INPP5A: variants seen among roughly 807,000 people sequenced by gnomAD.
The protein encoded by INPP5A is 43 kDa inositol polyphosphate 5-phophatase.
INPP5A carries 14 observed loss-of-function variants against 65.2 expected under a neutral mutation model. That is an observed-to-expected ratio of 0.21 (90% CI 0.14 to 0.34). INPP5A has a LOEUF of 0.34. INPP5A is among the 10% of genes least tolerant of loss of function. The probability of loss-of-function intolerance (pLI) is 1.00; values close to 1 mark genes in which losing one functional copy is unlikely to be tolerated. For synonymous variants in INPP5A, 207 were observed against 208.3 expected, an observed-to-expected ratio of 0.99 and a Z score of 0.05; for missense variants, 431 against 545.6, an observed-to-expected ratio of 0.79 and a Z score of 2.09.
chr10:132,688,911 TGTGCATGA>T (rs999871241), intron 4 of INPP5A, among the ~76,000 whole-genome samples: 11 of 151,010 alleles, frequency 7.3e-5, no homozygotes, highest in African/African-American at 2.4e-4. Context: ...AGCACGTGAG[TGTGCATGA>T]GTGCATGTGT....
rs761792498 is a variant in INPP5A, at chr10:132,780,846, C to T, written c.1090-3C>T. 26 of 1,613,034 alleles carry T rather than the reference C, an allele frequency of 1.6e-5. No individual in the cohort carries two copies. Among genetic ancestry groups the T allele is most frequent in the Admixed American group, 3.3e-5 (2 of 60,010 alleles). ...CACTCACCTGTCTGTTTCCCCTTTC[C>T]AGTCGGAGAGCGAGGAGAAGGTTGT... On this transcript the variant is annotated splice_region_variant and splice_polypyrimidine_tract_variant and intron_variant, in intron 13 of 15. Coordinates refer to ENST00000368594, the MANE Select transcript of INPP5A (RefSeq NM_005539.5).
At position 132,542,665 on chromosome 10, in the gene INPP5A, G is replaced by A. The variant is rs181199639; in HGVS notation, c.75+4494G>A. On this transcript the variant is annotated intron_variant, in intron 1 of 15. Transcript: ENST00000368594. ...CACAGCAGGGCCCAGGGCTGGGTGC[G>A]GGTTGTACCCAGCTGGCAGTGACTA... Among the ~76,000 whole-genome samples, 69 of 152,304 alleles carry A rather than the reference G, an allele frequency of 4.5e-4. No individual in the cohort carries two copies. In the East Asian group the frequency reaches 8.5e-3, roughly 19 times the overall value.
intron 11 of INPP5A, among the ~76,000 whole-genome samples, chr10:132,750,172 C>T (rs1028850233): frequency 1.3e-5 from 2 of 152,188 alleles, no homozygotes; most frequent in African/African-American, 4.8e-5. Flanking sequence ...CAGAGTGAAC[C>T]GGCCGGGCCT....
chr10:132,743,997 G>T (rs1190866390), intron 9 of INPP5A, among the ~76,000 whole-genome samples: 1 of 152,252 alleles, frequency 6.6e-6, no homozygotes, highest in Non-Finnish European at 1.5e-5. Context: ...TCCAGCCACA[G>T]CGGATTTGCA....
intron 5 of INPP5A, among the ~76,000 whole-genome samples, chr10:132,692,399 A>G (rs1041173566): frequency 2.0e-5 from 3 of 152,204 alleles, no homozygotes; most frequent in Non-Finnish European, 4.4e-5. Flanking sequence ...GAACTTTCCA[A>G]ACTTGTAACT....
At chr10:132,716,925 A>T (rs1274629602) in intron 8 of INPP5A, among the ~76,000 whole-genome samples, 2 of 152,256 alleles carry the variant, frequency 1.3e-5, no homozygotes, top group East Asian at 3.9e-4. Flanking sequence ...TGATGTGGGG[A>T]TGGACTCATC....
chr10:132,728,750 GAGCAAATGTCAC>G (rs908436630), intron 9 of INPP5A, among the ~76,000 whole-genome samples: 5 of 152,260 alleles, frequency 3.3e-5, no homozygotes, highest in African/African-American at 1.2e-4. Context: ...CCTTCTGGTA[GAGCAAATGTCAC>G]AGTAAAGGGC....
Position 132,769,221 on chromosome 10 carries a change from G to T in INPP5A, c.977+3375G>T, listed in dbSNP as rs570340241. 7.2e-5 allele frequency among the ~76,000 whole-genome samples: 11 copies of T among 152,360 alleles called. No homozygotes were observed. In the East Asian group the frequency reaches 7.7e-4, roughly 11 times the overall value. ...GTAACTGAATGCTGTCTGTCATTTT[G>T]CCAGAAAAGGTGCTAATATTTCAGA... On this transcript the variant is annotated intron_variant, in intron 12 of 15. Coordinates refer to ENST00000368594, the MANE Select transcript of INPP5A (RefSeq NM_005539.5).
intron 4 of INPP5A, among the ~76,000 whole-genome samples, chr10:132,683,187 C>G (rs1001620992): frequency 6.9e-6 from 1 of 145,134 alleles, no homozygotes; most frequent in Non-Finnish European, 1.5e-5. Flanking sequence ...GTTTAATCCA[C>G]GTGTACACGT....
intron 6 of INPP5A, among the ~76,000 whole-genome samples, chr10:132,701,371 AGGCTCCTGAG>A (rs1845434468): frequency 6.6e-6 from 1 of 152,208 alleles, no homozygotes; most frequent in East Asian, 1.9e-4. Context: ...TCCCATCTGC[AGGCTCCTGAG>A]GGCTCCCCAA....
At chr10:132,586,676 CGTG>C (rs2071549441) in intron 1 of INPP5A, among the ~76,000 whole-genome samples, 1 of 152,240 alleles carries the variant, frequency 6.6e-6, no homozygotes, top group South Asian at 2.1e-4. Context: ...GCCAGAGCCT[CGTG>C]GTGATGGCGC....
chr10:132,730,092 T>A (rs1159716391), intron 9 of INPP5A, among the ~76,000 whole-genome samples: 1 of 152,154 alleles, frequency 6.6e-6, no homozygotes, highest in African/African-American at 2.4e-5. Flanking sequence ...AGACATGGAG[T>A]TACTTGAAAT....
At chr10:132,625,271 C>G (rs569268473) in intron 2 of INPP5A, among the ~76,000 whole-genome samples, 1 of 151,860 alleles carries the variant, frequency 6.6e-6, no homozygotes, top group East Asian at 1.9e-4. Flanking sequence ...GCTTTCCCTA[C>G]TCCGCTCCTG....
chr10:132,768,436 C>T (rs1248576691), intron 12 of INPP5A, among the ~76,000 whole-genome samples: 2 of 152,246 alleles, frequency 1.3e-5, no homozygotes, highest in African/African-American at 4.8e-5. Flanking sequence ...TTCCCAGGTG[C>T]TCACACAGGC....
intron 8 of INPP5A, among the ~76,000 whole-genome samples, chr10:132,714,236 C>T (rs1032790234): frequency 1.3e-5 from 2 of 152,202 alleles, no homozygotes; most frequent in East Asian, 3.9e-4. Context: ...TGAATGGCTC[C>T]TGCGGCGCGC....
chr10:132,774,039 G>A (rs1032384613), intron 12 of INPP5A, among the ~76,000 whole-genome samples: 2 of 152,238 alleles, frequency 1.3e-5, no homozygotes, highest in Non-Finnish European at 2.9e-5. Flanking sequence ...TGGGATGACA[G>A]GCGTGAGCCC....
intron 4 of INPP5A, among the ~76,000 whole-genome samples, chr10:132,687,788 C>T (rs377720070): frequency 1.3e-4 from 20 of 152,332 alleles, no homozygotes; most frequent in African/African-American, 3.6e-4. Context: ...TGGGTGGAGG[C>T]GGCACGTGTC....
intron 1 of INPP5A, among the ~76,000 whole-genome samples, chr10:132,593,017 T>C (rs2071638050): frequency 6.6e-6 from 1 of 152,212 alleles, no homozygotes; most frequent in Non-Finnish European, 1.5e-5. Context: ...ATCATTTCCC[T>C]GTGGTTGTAG....
At chr10:132,597,408 A>G (rs913741695) in intron 1 of INPP5A, among the ~76,000 whole-genome samples, 3 of 151,988 alleles carry the variant, frequency 2.0e-5, no homozygotes, top group Non-Finnish European at 4.4e-5. Flanking sequence ...CTATATCCAC[A>G]TTTTCTTCAT....
Sources: gnomAD v4.1 joint callset for allele counts (sites outside exome capture counted in the v4.1 genomes callset) on GRCh38, gnomAD v4.1.1 for gene constraint, MANE v1.5 for transcripts, NCBI Gene and HGNC (gene_info 2026-07-23, HGNC 2026-07-21) for gene names.